The following LHFPL3 variants were observed in gnomAD, a reference collection of about 807,000 sequenced individuals.
LHFPL3 encodes the protein LHFPL tetraspan subfamily member 3 protein.
Under a neutral mutation model 19.3 loss-of-function variants are expected in LHFPL3, and 5 were observed. The observed-to-expected ratio is 0.26, with a 90% CI of 0.14 to 0.54. The LOEUF is 0.54. Among genes scored for constraint, LHFPL3 ranks in the 20% least tolerant of loss-of-function variants. LHFPL3 has a pLI of 0.94. For synonymous variants in LHFPL3, 133 were observed against 126.2 expected (o/e 1.05, Z -0.36); for missense variants, 249 against 307.4 (o/e 0.81, Z 1.42).
chr7:104,632,846 G>A (rs747708620), intron 1 of LHFPL3, among the ~76,000 whole-genome samples: 2 of 152,166 alleles, frequency 1.3e-5, no homozygotes. Context: ...GTAGAGATGA[G>A]GTTTTGCTAT....
chr7:104,824,712 A>T (rs1220940301), intron 2 of LHFPL3, among the ~76,000 whole-genome samples: 1 of 99,982 alleles, frequency 1.0e-5, no homozygotes, highest in Non-Finnish European at 1.8e-5. Context: ...TTATATATAT[A>T]ATTATATATA....
intron 1 of LHFPL3, among the ~76,000 whole-genome samples, chr7:104,420,903 A>C (rs6980251): frequency 0.11 from 16,165 of 152,168 alleles, 997 homozygotes; most frequent in East Asian, 0.26. Flanking sequence ...TTTAATCCAA[A>C]CTGACAGAAT....
At chr7:104,454,112 A>G (rs1792496647) in intron 1 of LHFPL3, among the ~76,000 whole-genome samples, 1 of 152,226 alleles carries the variant, frequency 6.6e-6, no homozygotes, top group South Asian at 2.1e-4. Flanking sequence ...CGGTAATACC[A>G]TTCTCAGGAA....
chr7:104,805,857 T>C (rs1226724580), intron 2 of LHFPL3, among the ~76,000 whole-genome samples: 2 of 152,236 alleles, frequency 1.3e-5, no homozygotes, highest in Non-Finnish European at 2.9e-5. Flanking sequence ...GAATAGGATT[T>C]ACTAGGTTAA....
At chr7:104,725,411 G>T (rs1386933237) in intron 1 of LHFPL3, among the ~76,000 whole-genome samples, 1 of 151,826 alleles carries the variant, frequency 6.6e-6, no homozygotes, top group African/African-American at 2.4e-5. Flanking sequence ...TTATTCTTCA[G>T]GTGATTCCCA....
intron 1 of LHFPL3, among the ~76,000 whole-genome samples, chr7:104,505,563 G>A (rs914301508): frequency 2.0e-5 from 3 of 152,118 alleles, no homozygotes; most frequent in African/African-American, 7.2e-5. Context: ...GAGCATGGAT[G>A]ACTGAGTTGT....
intron 1 of LHFPL3, among the ~76,000 whole-genome samples, chr7:104,493,183 TA>T (rs1331869752): frequency 6.6e-6 from 1 of 152,194 alleles, no homozygotes; most frequent in African/African-American, 2.4e-5. Flanking sequence ...TCTTGGTATT[TA>T]TCTTCCTCAC....
intron 1 of LHFPL3, among the ~76,000 whole-genome samples, chr7:104,614,051 C>T (rs1292830177): frequency 6.6e-6 from 1 of 152,032 alleles, no homozygotes; most frequent in East Asian, 1.9e-4. Flanking sequence ...GAAAGACTTT[C>T]CTGGGTTATA....
At chr7:104,534,408 C>A (rs1181859034) in intron 1 of LHFPL3, among the ~76,000 whole-genome samples, 1 of 152,204 alleles carries the variant, frequency 6.6e-6, no homozygotes, top group Non-Finnish European at 1.5e-5. Flanking sequence ...TGCTTCTACC[C>A]ACACTTCCAT....
chr7:104,590,415 G>A (rs1390971556), intron 1 of LHFPL3, among the ~76,000 whole-genome samples: 1 of 152,144 alleles, frequency 6.6e-6, no homozygotes, highest in Non-Finnish European at 1.5e-5. Flanking sequence ...CGATGTAGTT[G>A]AGCGGTTTTG....
intron 1 of LHFPL3, among the ~76,000 whole-genome samples, chr7:104,349,272 T>A (rs73714805): frequency 6.6e-6 from 1 of 152,142 alleles, no homozygotes; most frequent in African/African-American, 2.4e-5. Flanking sequence ...CTAAGAGATA[T>A]TAATAATTGT....
chr7:104,521,961 T>C (rs1172862920), intron 1 of LHFPL3, among the ~76,000 whole-genome samples: 1 of 151,978 alleles, frequency 6.6e-6, no homozygotes, highest in Non-Finnish European at 1.5e-5. Flanking sequence ...AGTTCAACCA[T>C]TGTGGAAGTC....
intron 1 of LHFPL3, among the ~76,000 whole-genome samples, chr7:104,713,782 A>G (rs1170033639): frequency 1.3e-5 from 2 of 152,218 alleles, no homozygotes; most frequent in African/African-American, 4.8e-5. Context: ...AGAAAGCCAA[A>G]TGAATTACAA....
intron 1 of LHFPL3, among the ~76,000 whole-genome samples, chr7:104,512,448 G>A (rs1793837558): frequency 6.6e-6 from 1 of 152,000 alleles, no homozygotes; most frequent in Non-Finnish European, 1.5e-5. Context: ...TGTGATTAAA[G>A]TGGGACACAT....
At chr7:104,476,314 G>T (rs6944442) in intron 1 of LHFPL3, among the ~76,000 whole-genome samples, 1,587 of 152,282 alleles carry the variant, frequency 0.01, 27 homozygotes, top group African/African-American at 0.036. Context: ...TTCAGATAAT[G>T]TTGATTATTA....
chr7:104,548,792 A>G (rs1044797774), intron 1 of LHFPL3, among the ~76,000 whole-genome samples: 1 of 152,168 alleles, frequency 6.6e-6, no homozygotes, highest in African/African-American at 2.4e-5. Context: ...GTCAGAGCAC[A>G]AGTACTAACA....
chr7:104,701,889 T>C (rs923152512), intron 1 of LHFPL3, among the ~76,000 whole-genome samples: 3 of 152,206 alleles, frequency 2.0e-5, no homozygotes, highest in Non-Finnish European at 4.4e-5. Context: ...TATTATACTT[T>C]AAGTTCTGGG....
intron 1 of LHFPL3, among the ~76,000 whole-genome samples, chr7:104,614,700 T>A (rs374031532): frequency 9.1e-6 from 1 of 110,222 alleles, no homozygotes; most frequent in Non-Finnish European, 1.9e-5. Context: ...TCTTTCTTTC[T>A]TTCTTTCTTT....
intron 1 of LHFPL3, among the ~76,000 whole-genome samples, chr7:104,332,883 A>C (rs975805730): frequency 2.0e-5 from 3 of 152,092 alleles, no homozygotes; most frequent in Non-Finnish European, 2.9e-5. Flanking sequence ...ATAATACATA[A>C]AATAATGATA....
Sources: gnomAD v4.1 joint callset for allele counts (sites outside exome capture counted in the v4.1 genomes callset) on GRCh38, gnomAD v4.1.1 for gene constraint, MANE v1.5 for transcripts, NCBI Gene and HGNC (gene_info 2026-07-23, HGNC 2026-07-21) for gene names.